Variants in KIRREL3 observed in about 807,000 individuals in gnomAD.
KIRREL3 encodes kirre like nephrin family adhesion molecule 3.
In KIRREL3, 36 loss-of-function variants were observed where a neutral mutation model predicts 89.7. The observed-to-expected ratio is 0.40, with a 90% CI of 0.31 to 0.53. The LOEUF (loss-of-function observed/expected upper bound fraction) is 0.53. KIRREL3 is among the 20% of genes least tolerant of loss of function. KIRREL3 has a pLI of 0.49. For synonymous variants in KIRREL3, 445 were observed against 441.4 expected, an observed-to-expected ratio of 1.01 and a Z score of -0.10; for missense variants, 864 against 1,056.6, an observed-to-expected ratio of 0.82 and a Z score of 2.53.
At position 126,579,131 on chromosome 11, in the gene KIRREL3, C is replaced by T. The variant is rs1020482322; in HGVS notation, c.56-16219G>A. Among the ~76,000 whole-genome samples, 2 of 152,014 alleles carry T rather than the reference C, an allele frequency of 1.3e-5. No individual in the cohort carries two copies. The highest frequency in any genetic ancestry group is 2.4e-5 in the African/African-American group (1 of 41,362). On this transcript the variant is annotated intron_variant, in intron 1 of 16. Coordinates refer to ENST00000525144, the MANE Select transcript of KIRREL3 (RefSeq NM_032531.4). This position sits in a 1 kb window ranked among gnomAD's most constrained non-coding sequence, Gnocchi z 5.3. ...GAGCTCACCAATGTCTCGGAGAGGTCCTCCCTTCCTGCCAGCCATTGATGA... is the reference window on the plus strand; with the variant it reads ...GAGCTCACCAATGTCTCGGAGAGGTTCTCCCTTCCTGCCAGCCATTGATGA...
chr11:126,737,671 G>A lies in KIRREL3; in HGVS notation c.56-174759C>T, dbSNP rs189559118. On this transcript the variant is annotated intron_variant, in intron 1 of 16. Transcript: ENST00000525144. ...GCTCGGAATTCTCCAGTAGAGGGGG[G>A]CATTTTTAGACACAGTGAGCTAGAG... 8.3e-3 allele frequency among the ~76,000 whole-genome samples: 1,266 copies of A among 152,248 alleles called. 22 individuals carry two copies. The highest frequency in any genetic ancestry group is 0.031 in the Middle Eastern group (9 of 294).
chr11:126,799,440 G>GT (rs1555197620), intron 1 of KIRREL3, among the ~76,000 whole-genome samples: 1 of 692 alleles, frequency 1.4e-3, no homozygotes, highest in Admixed American at 0.023. Flanking sequence ...GTGTGTATCT[G>GT]TGTGCATGCA....
rs763201961 is a variant in KIRREL3, at chr11:126,608,924, C to A, written c.56-46012G>T. On this transcript the variant is annotated intron_variant, in intron 1 of 16. Transcript: ENST00000525144. This position sits in a 1 kb window ranked among gnomAD's most constrained non-coding sequence, Gnocchi z 4.9. ...GCTCTGGAGCCCAGCTTGCTGTTAG[C>A]CCTGAGAAACAAGTGACTTCCTGTG... is the stretch of plus-strand genomic sequence containing the variant. Among the ~76,000 whole-genome samples, 1 of 152,142 alleles carries A rather than the reference C, an allele frequency of 6.6e-6. No individual in the cohort carries two copies. The highest frequency in any genetic ancestry group is 2.4e-5 in the African/African-American group (1 of 41,436).
rs919095574 is a variant in KIRREL3 at position 126,814,395 on chromosome 11, G to A, written c.55+186060C>T. Among the ~76,000 whole-genome samples the A allele has an allele frequency of 6.6e-6, 1 of 152,080 alleles. No individual in the cohort carries two copies. The highest frequency in any genetic ancestry group is 1.5e-5 in the Non-Finnish European group (1 of 68,018). On this transcript the variant is annotated intron_variant, in intron 1 of 16. Coordinates refer to ENST00000525144, the MANE Select transcript of KIRREL3 (RefSeq NM_032531.4). The surrounding 1 kb of genome is among the most constrained non-coding windows in gnomAD (Gnocchi z 4.4). The stretch of plus-strand genomic sequence containing the variant: ...AGACCTACAGTCAGAAACACCATTT[G>A]ACCCAGCAATCCCATTACTGGATAT...
Position 126,425,656 on chromosome 11 carries a change from T to C in KIRREL3, c.1875A>G (p.Lys625=). ...TTCTTACCTTCAGGTTCTGAAACTC[T>C]TTCTCCTCTTCTTTGAGGACCTCCA... ...KQLEVLKEEE[K]EFQNLKDPTN... The change falls in exon 16 of 17, where the codon AAA becomes AAG. Residue 625 remains lysine, a synonymous_variant. Transcript: ENST00000525144. The C allele has an allele frequency of 5.0e-6, 8 of 1,590,654 alleles. No homozygotes were observed. The highest frequency in any genetic ancestry group is 6.9e-6 in the Non-Finnish European group (8 of 1,167,386).
intron 12 of KIRREL3, 105 bp downstream of exon 12, chr11:126,436,706 T>C (rs931607321): frequency 8.2e-7 from 1 of 1,226,068 alleles, no homozygotes; most frequent in Non-Finnish European, 1.2e-6. Context: ...TGGCTTGTCC[T>C]TGGGCCCTGG....
intron 1 of KIRREL3, among the ~76,000 whole-genome samples, chr11:126,980,625 T>C (rs1025345446): frequency 3.3e-4 from 50 of 152,082 alleles, no homozygotes; most frequent in African/African-American, 1.2e-3. Context: ...GCAGTATAGA[T>C]CCATGTGAAA....
At chr11:126,901,213 CAAAA>C (rs58769659) in intron 1 of KIRREL3, among the ~76,000 whole-genome samples, 1 of 86,034 alleles carries the variant, frequency 1.2e-5, no homozygotes, top group Non-Finnish European at 2.4e-5. Context: ...GATTCCGTCT[CAAAA>C]AAAAAAAAAA....
chr11:126,593,312 G>C (rs1037313439), intron 1 of KIRREL3, among the ~76,000 whole-genome samples: 1 of 152,198 alleles, frequency 6.6e-6, no homozygotes, highest in Non-Finnish European at 1.5e-5. Context: ...ATTTAGCACC[G>C]TTATCGGGAG....
At chr11:126,585,886 G>C (rs1010787455) in intron 1 of KIRREL3, among the ~76,000 whole-genome samples, 6 of 152,242 alleles carry the variant, frequency 3.9e-5, no homozygotes, top group African/African-American at 1.4e-4. Flanking sequence ...TTGGAGTTGG[G>C]CTTCAGCTTC....
chr11:126,734,665 G>GA lies in KIRREL3; in HGVS notation c.56-171754dup, dbSNP rs368020107. 0.016 allele frequency among the ~76,000 whole-genome samples: 2,144 copies of GA among 137,846 alleles called. 45 individuals carry two copies. The highest frequency in any genetic ancestry group is 0.049 in the African/African-American group (1,856 of 37,652). The allele number at this position is 137,846 out of a possible 152,430, so 90.4% of individuals were successfully genotyped here. On this transcript the variant is annotated intron_variant, in intron 1 of 16. Coordinates refer to ENST00000525144, the MANE Select transcript of KIRREL3 (RefSeq NM_032531.4). This position sits in a 1 kb window ranked among gnomAD's most constrained non-coding sequence, Gnocchi z 5.9. ...ACAAGAGTGAAACTCTGTCTCAAAAGAAAAAAAAAAAGAAATTTAGTATTC... is the reference window on the plus strand; with the variant it reads ...ACAAGAGTGAAACTCTGTCTCAAAAGAAAAAAAAAAAAGAAATTTAGTATTC...
Position 126,446,079 on chromosome 11 carries a change from C to T in KIRREL3, c.1125+680G>A, listed in dbSNP as rs183132368. 3.5e-4 allele frequency among the ~76,000 whole-genome samples: 49 copies of T among 139,738 alleles called. 1 individual carries two copies. In the East Asian group the frequency reaches 9.9e-3, roughly 28 times the overall value. 91.7% of individuals were successfully genotyped at this position (139,738 alleles called of 152,430 possible). A position where few individuals can be genotyped will look rare whatever the true frequency, so the allele number is the denominator to read the frequency against. On this transcript the variant is annotated intron_variant, in intron 9 of 16. Transcript: ENST00000525144. ...AGGAGAATTACTTGAACCCGGGAGG[C>T]GGAGTTTGTGGTAAGCCAAGATCAC...
At chr11:126,457,285 GTA>G (rs1280704242) in intron 6 of KIRREL3, among the ~76,000 whole-genome samples, 3 of 151,580 alleles carry the variant, frequency 2.0e-5, no homozygotes, top group African/African-American at 2.4e-5. Flanking sequence ...ATGCATATGT[GTA>G]TGTGTGTATG....
chr11:126,564,027 C>G lies in KIRREL3; in HGVS notation c.56-1115G>C, dbSNP rs1409654310. Among the ~76,000 whole-genome samples the G allele has an allele frequency of 6.6e-6, 1 of 152,204 alleles. No individual in the cohort carries two copies. Among genetic ancestry groups the G allele is most frequent in the Non-Finnish European group, 1.5e-5 (1 of 68,040 alleles). On this transcript the variant is annotated intron_variant, in intron 1 of 16. Coordinates refer to ENST00000525144, the MANE Select transcript of KIRREL3 (RefSeq NM_032531.4). This position sits in a 1 kb window ranked among gnomAD's most constrained non-coding sequence, Gnocchi z 7.4. The stretch of plus-strand genomic sequence containing the variant: ...CATAGAAGTCTTACAAATGTGTCAG[C>G]TGCCACAAACTTGGTAAATAGATAA...
chr11:126,518,588 G>GC (rs930827125), intron 4 of KIRREL3, among the ~76,000 whole-genome samples: 2 of 152,254 alleles, frequency 1.3e-5, no homozygotes, highest in Non-Finnish European at 2.9e-5. Context: ...AGGGAAGGCA[G>GC]CCCCCCTTGG....
At position 126,606,977 on chromosome 11, in the gene KIRREL3, T is replaced by A. The variant is rs568392492; in HGVS notation, c.56-44065A>T. On this transcript the variant is annotated intron_variant, in intron 1 of 16. Coordinates refer to ENST00000525144, the MANE Select transcript of KIRREL3 (RefSeq NM_032531.4). This position sits in a 1 kb window ranked among gnomAD's most constrained non-coding sequence, Gnocchi z 4.6. ...AGCTGAAGTAAGCAGCTTTGGAACC[T>A]GCCTATCACATGGCCGGGTATTCCA... 6.6e-6 allele frequency among the ~76,000 whole-genome samples: 1 copy of A among 152,280 alleles called. No homozygotes were observed. The highest frequency in any genetic ancestry group is 2.1e-4 in the South Asian group (1 of 4,818).
Position 126,860,628 on chromosome 11 carries a change from A to T in KIRREL3, c.55+139827T>A, listed in dbSNP as rs1318607341. On this transcript the variant is annotated intron_variant, in intron 1 of 16. Transcript: ENST00000525144. The surrounding 1 kb of genome is among the most constrained non-coding windows in gnomAD (Gnocchi z 4.6). The stretch of plus-strand genomic sequence containing the variant: ...GCTGAAGAGTTGGGACCTACCCTAT[A>T]AACAACGTATAGTTGTTGAAGGTTT... Among the ~76,000 whole-genome samples the T allele has an allele frequency of 1.3e-5, 2 of 152,178 alleles. No homozygotes were observed. Among genetic ancestry groups the T allele is most frequent in the Non-Finnish European group, 2.9e-5 (2 of 68,036 alleles).
At chr11:126,451,507 T>C (rs984772602) in intron 7 of KIRREL3, among the ~76,000 whole-genome samples, 4 of 149,682 alleles carry the variant, frequency 2.7e-5, no homozygotes, top group Admixed American at 6.6e-5. Flanking sequence ...CATGTGTGAG[T>C]GTGTCCATTT....
rs1437361267 is a variant in KIRREL3, at chr11:126,739,876, A to G, written c.56-176964T>C. On this transcript the variant is annotated intron_variant, in intron 1 of 16. Transcript: ENST00000525144. This position sits in a 1 kb window ranked among gnomAD's most constrained non-coding sequence, Gnocchi z 5.5. ...GGGGATTGGGCAAGAAGGAGCACTT[A>G]GAATTTTGACACTGCACTTTGATCA... is the stretch of plus-strand genomic sequence containing the variant. Among the ~76,000 whole-genome samples the G allele has an allele frequency of 6.6e-6, 1 of 152,220 alleles. No homozygotes were observed. The highest frequency in any genetic ancestry group is 1.5e-5 in the Non-Finnish European group (1 of 68,048).
Sources: gnomAD v4.1 joint callset for allele counts (sites outside exome capture counted in the v4.1 genomes callset) on GRCh38, gnomAD v4.1.1 for gene constraint, Gnocchi (gnomAD v3.1) non-coding constraint, MANE v1.5 for transcripts, NCBI Gene and HGNC (gene_info 2026-07-23, HGNC 2026-07-21) for gene names.